The following EFHB variants were observed in gnomAD, a reference collection of about 807,000 sequenced individuals.
The protein encoded by EFHB is EF-hand domain-containing family member B.
In EFHB, 91 loss-of-function variants were observed where a neutral mutation model predicts 87.2. The ratio of observed to expected loss-of-function variants is 1.04; its 90% confidence interval spans 0.88 to 1.24. EFHB has a LOEUF of 1.24. Ranked by LOEUF, EFHB falls within the 50% of genes most tolerant of loss-of-function variation. EFHB has a pLI of 0.00. For synonymous variants in EFHB, 325 were observed against 333.6 expected (o/e 0.97, Z 0.28); for missense variants, 1,084 against 998.8 (o/e 1.09, Z -1.15).
intron 1 of EFHB, among the ~76,000 whole-genome samples, chr3:19,946,456 G>C (rs1348763223): frequency 6.6e-6 from 1 of 152,238 alleles, no homozygotes; most frequent in Admixed American, 6.5e-5. Flanking sequence ...ACAGTAAAGA[G>C]CGAAGGGAAA....
chr3:19,914,236 C>T (rs1198696688), intron 5 of EFHB, among the ~76,000 whole-genome samples: 1 of 152,164 alleles, frequency 6.6e-6, no homozygotes, highest in African/African-American at 2.4e-5. Flanking sequence ...GACCAAAGTT[C>T]TTTTAAAACA....
At position 19,905,769 on chromosome 3, in the gene EFHB, G is replaced by C; in HGVS notation, c.1289-20C>G. The C allele has an allele frequency of 6.3e-7, 1 of 1,593,550 alleles. No individual in the cohort carries two copies. ...CCTCTCCTGTGGAAAAAGAAAGGAAGACTTATGACTTAAGCAACACGAATA... is the reference window on the plus strand; with the variant it reads ...CCTCTCCTGTGGAAAAAGAAAGGAACACTTATGACTTAAGCAACACGAATA... On this transcript the variant is annotated intron_variant, in intron 5 of 12. Transcript: ENST00000295824.
intron 7 of EFHB, 144 bp downstream of exon 7, chr3:19,899,288 T>C: frequency 3.3e-6 from 2 of 603,312 alleles, no homozygotes; most frequent in Non-Finnish European, 5.3e-6. Context: ...TCTATAGATA[T>C]TAACAGATTA....
At chr3:19,899,833 G>A (rs1694611118) in intron 6 of EFHB, among the ~76,000 whole-genome samples, 1 of 152,178 alleles carries the variant, frequency 6.6e-6, no homozygotes, top group South Asian at 2.1e-4. Context: ...AACACTTTGG[G>A]AGGCTGAGGT....
chr3:19,946,865 G>A (rs1042847672), intron 1 of EFHB: 1 of 152,358 alleles, frequency 6.6e-6, no homozygotes, highest in African/African-American at 2.4e-5. Flanking sequence ...CAGGAGCCCA[G>A]AGACCCCCCA....
chr3:19,904,225 T>C (rs561980386), intron 6 of EFHB, among the ~76,000 whole-genome samples: 1 of 152,340 alleles, frequency 6.6e-6, no homozygotes, highest in South Asian at 2.1e-4. Context: ...ATTAGTTTCA[T>C]GTGGTTGCTA....
intron 5 of EFHB, among the ~76,000 whole-genome samples, chr3:19,911,652 A>G (rs73188469): frequency 0.039 from 5,991 of 152,174 alleles, 376 homozygotes; most frequent in African/African-American, 0.13. Flanking sequence ...ACTGAAAAGT[A>G]CATCAGTCTC....
At chr3:19,924,048 A>G in intron 1 of EFHB, among the ~76,000 whole-genome samples, 1 of 152,266 alleles carries the variant, frequency 6.6e-6, no homozygotes, top group Non-Finnish European at 1.5e-5. Context: ...CTGGGCAACA[A>G]AGTGAGACCC....
At chr3:19,946,439 G>C (rs1329765288) in intron 1 of EFHB, among the ~76,000 whole-genome samples, 1 of 152,220 alleles carries the variant, frequency 6.6e-6, no homozygotes, top group Non-Finnish European at 1.5e-5. Flanking sequence ...CCTGTAAAGC[G>C]TTTAGTACAG....
chr3:19,927,540 A>T (rs901637595), intron 1 of EFHB, among the ~76,000 whole-genome samples: 1 of 152,190 alleles, frequency 6.6e-6, no homozygotes, highest in African/African-American at 2.4e-5. Context: ...TTGGGCAGCA[A>T]CTTCAAACCA....
chr3:19,898,298 G>A (rs1694552497), intron 8 of EFHB, among the ~76,000 whole-genome samples: 1 of 152,288 alleles, frequency 6.6e-6, no homozygotes, highest in East Asian at 1.9e-4. Context: ...ATATTTGAAT[G>A]TGCTTAAAAT....
intron 4 of EFHB, among the ~76,000 whole-genome samples, chr3:19,916,599 G>T (rs1334090976): frequency 2.0e-5 from 3 of 152,166 alleles, no homozygotes; most frequent in Non-Finnish European, 4.4e-5. Context: ...GGAAATCACT[G>T]GAATCAGGGA....
chr3:19,921,387 T>A (rs1465903394), intron 1 of EFHB, among the ~76,000 whole-genome samples: 2 of 151,946 alleles, frequency 1.3e-5, no homozygotes, highest in Admixed American at 1.3e-4. Flanking sequence ...GAAAACTGAA[T>A]TGCTTTGTTA....
upstream of EFHB, chr3:19,934,233 T>C (rs1695943886): frequency 7.0e-7 from 1 of 1,428,256 alleles, no homozygotes; most frequent in Non-Finnish European, 9.1e-7. Context: ...TCAGGTTACC[T>C]GGGAAACAGG....
chr3:19,891,421 T>C (rs1694302030), intron 9 of EFHB, among the ~76,000 whole-genome samples: 1 of 152,106 alleles, frequency 6.6e-6, no homozygotes, highest in African/African-American at 2.4e-5. Context: ...AGCCACTGGC[T>C]CAAGAGGACC....
At chr3:19,932,139 A>T (rs1374768825) in intron 1 of EFHB, among the ~76,000 whole-genome samples, 1 of 152,162 alleles carries the variant, frequency 6.6e-6, no homozygotes, top group Admixed American at 6.5e-5. Flanking sequence ...GCAATTTTTT[A>T]AAATGTCATC....
intron 9 of EFHB, among the ~76,000 whole-genome samples, chr3:19,896,320 G>A (rs1471170224): frequency 6.6e-6 from 1 of 152,196 alleles, no homozygotes; most frequent in Admixed American, 6.5e-5. Flanking sequence ...GCCTTGTAAT[G>A]TGCATTTCTA....
chr3:19,923,786 A>G (rs1695520947), intron 1 of EFHB, among the ~76,000 whole-genome samples: 1 of 152,108 alleles, frequency 6.6e-6, no homozygotes, highest in African/African-American at 2.4e-5. Context: ...TAAATAAACA[A>G]AAGAGATTAC....
intron 3 of EFHB, 119 bp downstream of exon 3, chr3:19,919,714 G>T: frequency 9.8e-7 from 1 of 1,022,544 alleles, no homozygotes; most frequent in Non-Finnish European, 1.4e-6. Flanking sequence ...ATTGAGAAAA[G>T]CCTAGTAAAA....
Sources: allele counts gnomAD v4.1 joint callset (sites outside exome capture counted in the v4.1 genomes callset), GRCh38; gene constraint gnomAD v4.1.1; transcripts MANE v1.5; gene names NCBI Gene and HGNC (gene_info 2026-07-23, HGNC 2026-07-21).